The following FTO variants were observed in gnomAD, a reference collection of about 807,000 sequenced individuals.
The protein encoded by FTO is FTO alpha-ketoglutarate dependent dioxygenase.
FTO carries 47 observed loss-of-function variants against 63.9 expected under a neutral mutation model. The ratio of observed to expected loss-of-function variants is 0.74; its 90% CI spans 0.58 to 0.94. The LOEUF is 0.94. FTO is among the 40% of genes least tolerant of loss of function. The pLI is 0.00. For synonymous variants in FTO, 207 were observed against 224.4 expected, an observed-to-expected ratio of 0.92 and a Z score of 0.69; for missense variants, 562 against 618.1, an observed-to-expected ratio of 0.91 and a Z score of 0.96.
chr16:54,057,028 C>T (rs2085451962), intron 8 of FTO, among the ~76,000 whole-genome samples: 1 of 152,170 alleles, frequency 6.6e-6, no homozygotes, highest in South Asian at 2.1e-4. Flanking sequence ...TCAAAGAACT[C>T]ACAGTCTAGG....
rs144106665 is a variant in FTO, at chr16:53,921,417, A to G, written c.1240-12568A>G. Among the ~76,000 whole-genome samples, 357 of 152,306 alleles carry G rather than the reference A, an allele frequency of 2.3e-3. 1 individual carries two copies. The highest frequency in any genetic ancestry group is 0.01 in the Middle Eastern group (3 of 294). Reference sequence around the variant, plus strand: ...AAAGTGCTAAGCCACTTTTAGGCCAAACATCATCAGTGGCTCAATTATTTC... The same window carrying G: ...AAAGTGCTAAGCCACTTTTAGGCCAGACATCATCAGTGGCTCAATTATTTC... On this transcript the variant is annotated intron_variant, in intron 7 of 8. Transcript: ENST00000471389.
At chr16:54,085,783 A>G (rs1426662924) in intron 8 of FTO, among the ~76,000 whole-genome samples, 1 of 151,882 alleles carries the variant, frequency 6.6e-6, no homozygotes, top group Non-Finnish European at 1.5e-5. Context: ...ATACCCTCCG[A>G]CTCGTCTCGC....
intron 8 of FTO, among the ~76,000 whole-genome samples, chr16:54,042,348 A>AT (rs1249517693): frequency 6.5e-5 from 8 of 122,940 alleles, no homozygotes; most frequent in Non-Finnish European, 1.1e-4. Flanking sequence ...GGGGTGACGG[A>AT]CGCACCTGGA....
At chr16:53,712,823 T>C (rs948872656) in intron 1 of FTO, among the ~76,000 whole-genome samples, 1 of 152,182 alleles carries the variant, frequency 6.6e-6, no homozygotes, top group African/African-American at 2.4e-5. Context: ...TGTTATGTGA[T>C]ATATGTGACC....
intron 1 of FTO, among the ~76,000 whole-genome samples, chr16:53,769,841 A>C (rs1169548430): frequency 6.6e-6 from 1 of 152,150 alleles, no homozygotes; most frequent in Non-Finnish European, 1.5e-5. Context: ...TTAGGGATCT[A>C]AGCTGAAGGA....
In FTO at chr16:53,941,261, C is replaced by T. The variant is rs143193493; in HGVS notation, c.1364+7152C>T. On this transcript the variant is annotated intron_variant, in intron 8 of 8. Coordinates refer to ENST00000471389, the MANE Select transcript of FTO (RefSeq NM_001080432.3). Reference sequence around the variant, plus strand: ...GTGGGGAATATCAAGATGAGTATGACGTGAGTCTCAACTGTGGAATAATTT... The same window carrying T: ...GTGGGGAATATCAAGATGAGTATGATGTGAGTCTCAACTGTGGAATAATTT... Among the ~76,000 whole-genome samples, 452 of 152,244 alleles carry T rather than the reference C, an allele frequency of 3.0e-3. 1 individual carries two copies. The highest frequency in any genetic ancestry group is 0.01 in the African/African-American group (434 of 41,538).
chr16:53,882,487 G>C (rs1188202957), intron 6 of FTO, among the ~76,000 whole-genome samples: 1 of 152,180 alleles, frequency 6.6e-6, no homozygotes, highest in Non-Finnish European at 1.5e-5. Flanking sequence ...CAGCCATGTG[G>C]ATATCTGGGG....
intron 8 of FTO, among the ~76,000 whole-genome samples, chr16:54,056,075 ATAAT>A (rs1232426627): frequency 6.6e-6 from 1 of 152,200 alleles, no homozygotes; most frequent in Non-Finnish European, 1.5e-5. Flanking sequence ...AGGACAATGT[ATAAT>A]TATTTGGGAA....
At chr16:54,005,068 TAAAAAAAAAAAAA>T (rs777739385) in intron 8 of FTO, among the ~76,000 whole-genome samples, 202 of 97,760 alleles carry the variant, frequency 2.1e-3, no homozygotes, top group African/African-American at 7.5e-3. Flanking sequence ...AGGCTCCGTC[TAAAAAAAAAAAAA>T]AAAAAAAAGA....
At chr16:53,933,958 TTCTC>T in intron 7 of FTO, 23 bp from the exon 8 acceptor site, 1 of 1,611,062 alleles carries the variant, frequency 6.2e-7, no homozygotes, top group Non-Finnish European at 8.5e-7. Context: ...CACTTTTTCT[TTCTC>T]TGTTTTGGAT....
intron 7 of FTO, among the ~76,000 whole-genome samples, chr16:53,896,027 A>G (rs2081271353): frequency 1.3e-5 from 2 of 152,106 alleles, no homozygotes; most frequent in Non-Finnish European, 1.5e-5. Context: ...CACACATTTC[A>G]CACATTCTAT....
At chr16:53,991,408 C>T (rs1200112490) in intron 8 of FTO, 2 of 152,074 alleles carry the variant, frequency 1.3e-5, no homozygotes, top group African/African-American at 2.4e-5. Flanking sequence ...CCATGATGGC[C>T]GGGAGAAGCC....
chr16:53,838,891 T>C (rs2079384486), intron 3 of FTO, among the ~76,000 whole-genome samples: 1 of 152,134 alleles, frequency 6.6e-6, no homozygotes, highest in Non-Finnish European at 1.5e-5. Context: ...GAATATGTAC[T>C]GAACCTGTGA....
At chr16:53,819,971 A>T (rs1394353138) in intron 2 of FTO, among the ~76,000 whole-genome samples, 2 of 151,168 alleles carry the variant, frequency 1.3e-5, no homozygotes, top group African/African-American at 4.9e-5. Context: ...GAACCAAGTG[A>T]TGTGGCTATA....
intron 2 of FTO, among the ~76,000 whole-genome samples, chr16:53,818,120 GAATT>G (rs2078750919): frequency 6.6e-6 from 1 of 150,952 alleles, no homozygotes. Context: ...TTGACAGAAT[GAATT>G]AATATTAAAT....
chr16:53,977,240 A>T (rs2083453208), intron 8 of FTO, among the ~76,000 whole-genome samples: 1 of 152,118 alleles, frequency 6.6e-6, no homozygotes, highest in African/African-American at 2.4e-5. Context: ...ATCTACTGAG[A>T]TGATGACATG....
intron 4 of FTO, among the ~76,000 whole-genome samples, chr16:53,847,557 C>G (rs1487638220): frequency 1.3e-5 from 2 of 152,040 alleles, no homozygotes; most frequent in Non-Finnish European, 2.9e-5. Flanking sequence ...CACCTGAGGT[C>G]AAGAGTTTGA....
rs1971815831 is a variant in FTO at position 53,704,222 on chromosome 16, A to AAGCTAAGGTATGTCGG, written c.39_45+9dup. 6.4e-7 allele frequency: 1 copy of AAGCTAAGGTATGTCGG among 1,551,308 alleles called. No individual in the cohort carries two copies. The highest frequency in any genetic ancestry group is 1.4e-5 in the African/African-American group (1 of 73,002). The stretch of plus-strand genomic sequence containing the variant: ...CCGACTGCCGAGGAACGAGAGCGCG[A>AAGCTAAGGTATGTCGG]AGCTAAGGTATGTCGGGCTCCCGGG... On this transcript the variant is annotated frameshift_variant, in exon 1 of 9. Transcript: ENST00000471389. LOFTEE classifies it high-confidence loss of function.
In FTO at chr16:53,889,226, CA is replaced by C. The variant is rs142314735; in HGVS notation, c.1239+276del. Among the ~76,000 whole-genome samples the C allele has an allele frequency of 8.8e-3, 1,343 of 152,264 alleles. 24 individuals are homozygous for C. The highest frequency in any genetic ancestry group is 0.031 in the African/African-American group (1,295 of 41,540). ...ATAACAATTCGAAAATAATATTTAA[CA>C]TTCATTTGCATTTTTATATGCATCA... is the stretch of plus-strand genomic sequence containing the variant. On this transcript the variant is annotated intron_variant, in intron 7 of 8. Coordinates refer to ENST00000471389, the MANE Select transcript of FTO (RefSeq NM_001080432.3).
Sources: allele counts gnomAD v4.1 joint callset (sites outside exome capture counted in the v4.1 genomes callset), GRCh38; gene constraint gnomAD v4.1.1; transcripts MANE v1.5; gene names NCBI Gene and HGNC (gene_info 2026-07-23, HGNC 2026-07-21).